PRKN: variants seen among roughly 807,000 people sequenced by gnomAD.
PRKN encodes parkin RBR E3 ubiquitin protein ligase.
A neutral mutation model predicts 59.5 loss-of-function variants in PRKN; 56 were observed. The observed-to-expected ratio is 0.94, with a 90% CI of 0.76 to 1.18. The LOEUF (loss-of-function observed/expected upper bound fraction) is 1.18. Ranked by LOEUF, PRKN falls within the 50% of genes most tolerant of loss-of-function variation. The pLI is 0.00. For missense variants in PRKN, 657 were observed against 596.4 expected (o/e 1.10, Z -1.06); for synonymous variants, 250 against 222.1 (o/e 1.13, Z -1.12).
At chr6:162,251,396 AGG>A (rs2128096036) in intron 3 of PRKN, among the ~76,000 whole-genome samples, 1 of 152,232 alleles carries the variant, frequency 6.6e-6, no homozygotes, top group African/African-American at 2.4e-5. Flanking sequence ...TGATGATCAA[AGG>A]GGAGCCCAGG....
At position 161,466,140 on chromosome 6, in the gene PRKN, A is replaced by T. The variant is rs1472174753; in HGVS notation, c.1084-79263T>A. On this transcript the variant is annotated intron_variant, in intron 9 of 11. Coordinates refer to ENST00000366898, the MANE Select transcript of PRKN (RefSeq NM_004562.3). This position sits in a 1 kb window ranked among gnomAD's most constrained non-coding sequence, Gnocchi z 5.0. ...TAGCACATTTCAAGTACACAATACA[A>T]CATTATTAACTCTAGTCACCATGCT... 6.6e-6 allele frequency among the ~76,000 whole-genome samples: 1 copy of T among 152,142 alleles called. No individual in the cohort carries two copies. Among genetic ancestry groups the T allele is most frequent in the Non-Finnish European group, 1.5e-5 (1 of 68,018 alleles).
At chr6:162,329,837 T>C (rs1327003351) in intron 2 of PRKN, among the ~76,000 whole-genome samples, 1 of 152,178 alleles carries the variant, frequency 6.6e-6, no homozygotes, top group South Asian at 2.1e-4. Flanking sequence ...TCTATGTCAA[T>C]ATAGCCAAGA....
chr6:161,372,700 G>T lies in PRKN; in HGVS notation c.1168-12495C>A, dbSNP rs765725344. Among the ~76,000 whole-genome samples the T allele has an allele frequency of 1.3e-5, 2 of 152,116 alleles. No individual in the cohort carries two copies. The highest frequency in any genetic ancestry group is 2.9e-5 in the Non-Finnish European group (2 of 68,038). ...TCTGAATCCATAGGTCTGGGATTGC[G>T]CTCAAGGACTGGCAGTTCAACAAAT... On this transcript the variant is annotated intron_variant, in intron 10 of 11. Coordinates refer to ENST00000366898, the MANE Select transcript of PRKN (RefSeq NM_004562.3). This position sits in a 1 kb window ranked among gnomAD's most constrained non-coding sequence, Gnocchi z 4.2.
rs4709583 is a variant in PRKN, at chr6:162,201,272, A to G, written c.413-20T>C. Reference sequence around the variant, plus strand: ...TACCTGCTGGAGAAGAAAAAGCAGAAGAAGTGGCTAATAATGCTGCATCTA... The same window carrying G: ...TACCTGCTGGAGAAGAAAAAGCAGAGGAAGTGGCTAATAATGCTGCATCTA... On this transcript the variant is annotated intron_variant, in intron 3 of 11. Transcript: ENST00000366898. 1,489,064 of 1,612,738 alleles carry G rather than the reference A, an allele frequency of 0.92. 687,940 individuals carry two copies. Among genetic ancestry groups the G allele is most frequent in the African/African-American group, 0.98 (73,779 of 75,012 alleles).
At chr6:161,700,168 C>T (rs952385956) in intron 7 of PRKN, among the ~76,000 whole-genome samples, 2 of 151,972 alleles carry the variant, frequency 1.3e-5, no homozygotes, top group Non-Finnish European at 1.5e-5. Flanking sequence ...GTTTGGCCCT[C>T]GTTTACCTCC....
At chr6:161,418,372 A>G (rs1350463587) in intron 9 of PRKN, among the ~76,000 whole-genome samples, 1 of 152,212 alleles carries the variant, frequency 6.6e-6, no homozygotes, top group African/African-American at 2.4e-5. Context: ...GCATTTTTAG[A>G]GAAGAAAAGA....
At chr6:161,626,348 C>A (rs1228738499) in intron 7 of PRKN, among the ~76,000 whole-genome samples, 1 of 152,152 alleles carries the variant, frequency 6.6e-6, no homozygotes, top group African/African-American at 2.4e-5. Context: ...CAAGTGCAGA[C>A]CGAACTACCA....
chr6:162,664,753 G>T (rs1244966718), intron 1 of PRKN, among the ~76,000 whole-genome samples: 2 of 151,734 alleles, frequency 1.3e-5, no homozygotes, highest in Admixed American at 6.6e-5. Context: ...TTGTAAATAT[G>T]TTTAAGTTCC....
intron 6 of PRKN, among the ~76,000 whole-genome samples, chr6:161,961,623 C>T (rs528069599): frequency 5.3e-5 from 8 of 152,274 alleles, no homozygotes; most frequent in African/African-American, 1.9e-4. Context: ...TTCCGTCACA[C>T]CTTCACCTGC....
chr6:162,156,659 A>G (rs1347578614), intron 4 of PRKN, among the ~76,000 whole-genome samples: 1 of 152,164 alleles, frequency 6.6e-6, no homozygotes, highest in Admixed American at 6.5e-5. Context: ...ACCCAGATTG[A>G]GGGTGAGTCT....
chr6:162,327,024 A>G (rs946330089), intron 2 of PRKN, among the ~76,000 whole-genome samples: 1 of 152,198 alleles, frequency 6.6e-6, no homozygotes, highest in Admixed American at 6.5e-5. Flanking sequence ...TCTGCTATGA[A>G]TAATATTTCC....
At chr6:161,660,428 A>C (rs181333653) in intron 7 of PRKN, among the ~76,000 whole-genome samples, 111 of 152,326 alleles carry the variant, frequency 7.3e-4, no homozygotes, top group African/African-American at 2.6e-3. Context: ...CAATTCTAAA[A>C]ACCATTCAAA....
intron 7 of PRKN, among the ~76,000 whole-genome samples, chr6:161,672,301 TA>T (rs936118000): frequency 1.1e-4 from 16 of 152,108 alleles, no homozygotes; most frequent in African/African-American, 3.6e-4. Flanking sequence ...TATGTCAACT[TA>T]AAAAAATGTG....
intron 6 of PRKN, among the ~76,000 whole-genome samples, chr6:161,940,376 A>G (rs1779517321): frequency 6.6e-6 from 1 of 152,192 alleles, no homozygotes; most frequent in Non-Finnish European, 1.5e-5. Flanking sequence ...CATTGAGACC[A>G]CCTGTTAATG....
chr6:161,465,269 C>T (rs373101277), intron 9 of PRKN, among the ~76,000 whole-genome samples: 1 of 152,154 alleles, frequency 6.6e-6, no homozygotes, highest in Non-Finnish European at 1.5e-5. Context: ...ATGATGACTT[C>T]TTAACATTGG....
rs1466928529 is a variant in PRKN, at chr6:162,487,740, G to C, written c.8-44267C>G. ...TTATTTGTTCTTTAAAAACATTTTT[G>C]AAAACCTCACTCAAACAAATAACCT... On this transcript the variant is annotated intron_variant, in intron 1 of 11. Transcript: ENST00000366898. Among the ~76,000 whole-genome samples the C allele has an allele frequency of 3.3e-5, 5 of 151,842 alleles. No homozygotes were observed. In the East Asian group the frequency reaches 9.7e-4, roughly 29 times the overall value.
intron 7 of PRKN, among the ~76,000 whole-genome samples, chr6:161,767,441 C>T (rs576690764): frequency 6.0e-5 from 9 of 150,828 alleles, no homozygotes; most frequent in Non-Finnish European, 8.8e-5. Flanking sequence ...GGCGTGAGCC[C>T]GGGAGGCGGA....
At chr6:162,452,259 T>G (rs1330758396) in intron 1 of PRKN, among the ~76,000 whole-genome samples, 1 of 152,174 alleles carries the variant, frequency 6.6e-6, no homozygotes, top group Non-Finnish European at 1.5e-5. Flanking sequence ...AAATAAACTC[T>G]TCAGGCTGAA....
chr6:162,203,206 T>C (rs1023943783), intron 3 of PRKN, among the ~76,000 whole-genome samples: 1 of 152,186 alleles, frequency 6.6e-6, no homozygotes, highest in East Asian at 1.9e-4. Flanking sequence ...ATCTGAAAGC[T>C]AAGGAACTTT....
Sources: allele counts gnomAD v4.1 joint callset (sites outside exome capture counted in the v4.1 genomes callset), GRCh38; gene constraint gnomAD v4.1.1; non-coding constraint Gnocchi (gnomAD v3.1); transcripts MANE v1.5; gene names NCBI Gene and HGNC (gene_info 2026-07-23, HGNC 2026-07-21).